The following DNAH9 variants were observed in gnomAD, a reference collection of about 807,000 sequenced individuals.
DNAH9 encodes the protein DNAH9 variant protein.
Under a neutral mutation model 471.6 loss-of-function variants are expected in DNAH9, and 345 were observed. The observed-to-expected ratio is 0.73, with a 90% CI of 0.67 to 0.80. The LOEUF (loss-of-function observed/expected upper bound fraction) is 0.80. DNAH9 is among the 30% of genes least tolerant of loss of function. The probability of loss-of-function intolerance (pLI) is 0.00; values close to 1 mark genes in which losing one functional copy is unlikely to be tolerated. For missense variants in DNAH9, 5,407 were observed against 5,609.2 expected, an observed-to-expected ratio of 0.96 and a Z score of 1.15; for synonymous variants, 2,093 against 2,123.6, an observed-to-expected ratio of 0.99 and a Z score of 0.40.
intron 32 of DNAH9, 44 bp downstream of exon 32, chr17:11,747,810 G>T: frequency 6.4e-7 from 1 of 1,559,436 alleles, no homozygotes. Flanking sequence ...GCTAGCCTCA[G>T]AGTCCCTGTG....
intron 41 of DNAH9, among the ~76,000 whole-genome samples, chr17:11,785,888 G>A (rs1421881286): frequency 3.3e-5 from 5 of 152,192 alleles, no homozygotes; most frequent in Admixed American, 1.3e-4. Flanking sequence ...GGCAGCAAGA[G>A]AGACTCAGCT....
intron 17 of DNAH9, among the ~76,000 whole-genome samples, chr17:11,677,675 C>A (rs909371274): frequency 3.3e-5 from 5 of 152,030 alleles, no homozygotes; most frequent in Non-Finnish European, 5.9e-5. Flanking sequence ...TTATTATGTT[C>A]TTTTAGTTTG....
chr17:11,749,352 G>A (rs981918540), intron 32 of DNAH9, among the ~76,000 whole-genome samples: 6 of 151,910 alleles, frequency 3.9e-5, no homozygotes, highest in Admixed American at 3.3e-4. Flanking sequence ...CCAAAGTTCT[G>A]GGATTACAGG....
chr17:11,648,424 G>T (rs1597431823), intron 12 of DNAH9, among the ~76,000 whole-genome samples: 1 of 152,302 alleles, frequency 6.6e-6, no homozygotes, highest in East Asian at 1.9e-4. Flanking sequence ...AATGCCTAAA[G>T]AGATGAATAT....
At chr17:11,716,895 C>T (rs2150797866) in intron 26 of DNAH9, among the ~76,000 whole-genome samples, 1 of 152,290 alleles carries the variant, frequency 6.6e-6, no homozygotes, top group Admixed American at 6.5e-5. Context: ...CCATGGCAGG[C>T]CCTGAGCAGT....
chr17:11,668,012 G>A (rs1567704357), intron 15 of DNAH9, among the ~76,000 whole-genome samples: 1 of 152,202 alleles, frequency 6.6e-6, no homozygotes, highest in Non-Finnish European at 1.5e-5. Flanking sequence ...CAATTGAAAA[G>A]TCATATAAAA....
At chr17:11,688,285 A>G (rs970113572) in intron 19 of DNAH9, among the ~76,000 whole-genome samples, 31 of 152,076 alleles carry the variant, frequency 2.0e-4, no homozygotes, top group African/African-American at 7.2e-4. Context: ...GGAAATGTGA[A>G]CTAAAAAGCT....
At chr17:11,904,630 CAAAAAAAAAAAAA>C (rs202059757) in intron 60 of DNAH9, among the ~76,000 whole-genome samples, 81,336 of 112,090 alleles carry the variant, frequency 0.73, 27,935 homozygotes, top group Middle Eastern at 0.81. Flanking sequence ...GACTCCATCT[CAAAAAAAAAAAAA>C]AAAAAAAAAA....
At chr17:11,607,862 A>G (rs2072542851) in intron 1 of DNAH9, among the ~76,000 whole-genome samples, 1 of 152,110 alleles carries the variant, frequency 6.6e-6, no homozygotes, top group Non-Finnish European at 1.5e-5. Context: ...GAACCACCGC[A>G]CTTAGCCGAT....
At chr17:11,906,316 T>C (rs1973594283) in intron 61 of DNAH9, among the ~76,000 whole-genome samples, 1 of 152,174 alleles carries the variant, frequency 6.6e-6, no homozygotes, top group African/African-American at 2.4e-5. Context: ...TTCCCATTAA[T>C]GATAGACTGG....
At position 11,791,830 on chromosome 17, in the gene DNAH9, G is replaced by A. The variant is rs78898901; in HGVS notation, c.8062-1673G>A. Among the ~76,000 whole-genome samples, 33 of 152,238 alleles carry A rather than the reference G, an allele frequency of 2.2e-4. No individual in the cohort carries two copies. In the East Asian group the frequency reaches 5.8e-3, roughly 27 times the overall value. On this transcript the variant is annotated intron_variant, in intron 41 of 68. Transcript: ENST00000262442. ...GCCGCTGGACAGGAGAGGTGTCTTG[G>A]GCGACTTCAACAAGAGGTTTCAATT...
At chr17:11,660,751 C>T (rs1469868275) in intron 14 of DNAH9, among the ~76,000 whole-genome samples, 1 of 152,162 alleles carries the variant, frequency 6.6e-6, no homozygotes, top group East Asian at 1.9e-4. Flanking sequence ...AGAGAAGATA[C>T]TCTGTAAGCT....
intron 49 of DNAH9, among the ~76,000 whole-genome samples, chr17:11,839,341 C>T (rs1017703933): frequency 4.6e-5 from 7 of 151,784 alleles, no homozygotes; most frequent in African/African-American, 1.4e-4. Context: ...ACGGTGAAAC[C>T]CCGTCTCTAC....
At position 11,874,947 on chromosome 17, in the gene DNAH9, A is replaced by T; in HGVS notation, c.10243-2A>T. The T allele has an allele frequency of 6.2e-7, 1 of 1,610,840 alleles. No individual in the cohort carries two copies. Among genetic ancestry groups the T allele is most frequent in the Non-Finnish European group, 8.5e-7 (1 of 1,177,272 alleles). Reference sequence around the variant, plus strand: ...CGTGGGGTGGTGTTTCTTCTTCACCAGACTCCCATTCCAGTCACCCCAGCC... The same window carrying T: ...CGTGGGGTGGTGTTTCTTCTTCACCTGACTCCCATTCCAGTCACCCCAGCC... On this transcript the variant is annotated splice_acceptor_variant, in intron 52 of 68. Transcript: ENST00000262442. LOFTEE classifies it high-confidence loss of function.
At chr17:11,852,863 A>G (rs1385984559) in intron 49 of DNAH9, among the ~76,000 whole-genome samples, 1 of 106,404 alleles carries the variant, frequency 9.4e-6, no homozygotes, top group Non-Finnish European at 2.0e-5. Flanking sequence ...TATATATATG[A>G]AAGTGTGTAT....
chr17:11,824,064 G>A (rs552454598), intron 48 of DNAH9, among the ~76,000 whole-genome samples: 2 of 152,200 alleles, frequency 1.3e-5, no homozygotes, highest in South Asian at 4.2e-4. Context: ...TGGGAGTTGG[G>A]GCCAACTCTT....
Position 11,757,631 on chromosome 17 carries a change from G to T in DNAH9, c.6934G>T (p.Ala2312Ser). The change falls in exon 35 of 69, where the codon GCC becomes TCC. Residue 2312 changes from alanine (A) to serine (S), a missense_variant. This residue lies in a region of DNAH9 where 4,636 missense variants were observed against 4,900.3 expected (regional missense o/e 0.95). Coordinates refer to ENST00000262442, the MANE Select transcript of DNAH9 (RefSeq NM_001372.4). Reference sequence around the variant, plus strand: ...GAAGAGGGAAATCCAGACAGAGAGAGCCAACTTAACCATTTTGTTCGACAA... The same window carrying T: ...GAAGAGGGAAATCCAGACAGAGAGATCCAACTTAACCATTTTGTTCGACAA... ...IEKREIQTER[A>S]NLTILFDKYL... 5 of 1,614,168 alleles carry T rather than the reference G, an allele frequency of 3.1e-6. No homozygotes were observed. In the African/African-American group the frequency reaches 6.7e-5, roughly 22 times the overall value.
rs2072972054 is a variant in DNAH9 at position 11,626,450 on chromosome 17, T to C, written c.1351-2967T>C. 6.6e-6 allele frequency among the ~76,000 whole-genome samples: 1 copy of C among 152,238 alleles called. No homozygotes were observed. The highest frequency in any genetic ancestry group is 6.5e-5 in the Admixed American group (1 of 15,284). On this transcript the variant is annotated intron_variant, in intron 6 of 68. Transcript: ENST00000262442. This position sits in a 1 kb window ranked among gnomAD's most constrained non-coding sequence, Gnocchi z 4.3. The stretch of plus-strand genomic sequence containing the variant: ...ATTTCCTAGCTGCTTCAGAAATCTT[T>C]TCTGCTATGCCTCCAACATCAAACT...
intron 61 of DNAH9, among the ~76,000 whole-genome samples, chr17:11,908,078 C>T (rs1367006155): frequency 1.3e-5 from 2 of 152,170 alleles, no homozygotes; most frequent in African/African-American, 4.8e-5. Context: ...GTCTTCCCTC[C>T]ACATACACGG....
Sources: gnomAD v4.1 joint callset for allele counts (sites outside exome capture counted in the v4.1 genomes callset) on GRCh38, gnomAD v4.1.1 for gene constraint, gnomAD v4.1.1 regional missense constraint, Gnocchi (gnomAD v3.1) non-coding constraint, MANE v1.5 for transcripts, NCBI Gene and HGNC (gene_info 2026-07-23, HGNC 2026-07-21) for gene names.